BTBD8: variants seen among roughly 807,000 people sequenced by gnomAD.
The protein encoded by BTBD8 is BTB domain containing 8, also known as BTB/POZ domain-containing protein 8.
A neutral mutation model predicts 162.9 loss-of-function variants in BTBD8; 110 were observed. The observed-to-expected ratio is 0.68, with a 90% CI of 0.58 to 0.79. BTBD8 has a LOEUF of 0.79. Ranked by LOEUF, BTBD8 falls within the 30% of genes least tolerant of loss-of-function variation. The pLI, the probability that BTBD8 is intolerant of heterozygous loss-of-function variation, is 0.00. For missense variants in BTBD8, 1,905 were observed against 2,085.4 expected (o/e 0.91, Z 1.68); for synonymous variants, 667 against 716.1 (o/e 0.93, Z 1.10).
At chr1:92,109,050 C>G (rs1298968016) in intron 4 of BTBD8, among the ~76,000 whole-genome samples, 1 of 152,150 alleles carries the variant, frequency 6.6e-6, no homozygotes, top group Admixed American at 6.5e-5. Flanking sequence ...TAGCTATTTA[C>G]TATTCAAAAT....
intron 5 of BTBD8, among the ~76,000 whole-genome samples, chr1:92,139,094 G>C (rs1177215691): frequency 6.6e-6 from 1 of 152,170 alleles, no homozygotes; most frequent in Non-Finnish European, 1.5e-5. Context: ...AACTTTAAAA[G>C]TGTATGGTAG....
chr1:92,105,695 A>G (rs571779777), intron 3 of BTBD8, among the ~76,000 whole-genome samples: 3 of 152,330 alleles, frequency 2.0e-5, no homozygotes, highest in Non-Finnish European at 4.4e-5. Flanking sequence ...TAAAAGAAAA[A>G]CGTTAGATAA....
At chr1:92,133,781 T>A (rs993693692) in intron 5 of BTBD8, among the ~76,000 whole-genome samples, 3 of 151,926 alleles carry the variant, frequency 2.0e-5, no homozygotes, top group African/African-American at 7.3e-5. Context: ...CCATCCTGGC[T>A]AACACGGTGA....
chr1:92,136,607 T>C (rs1319424705), intron 5 of BTBD8, among the ~76,000 whole-genome samples: 2 of 152,214 alleles, frequency 1.3e-5, no homozygotes, highest in East Asian at 1.9e-4. Flanking sequence ...GGCACGACCC[T>C]GCCCTTGCAG....
intron 2 of BTBD8, among the ~76,000 whole-genome samples, chr1:92,092,122 C>T (rs930236818): frequency 1.3e-4 from 20 of 151,952 alleles, no homozygotes; most frequent in Admixed American, 4.6e-4. Context: ...AGACTTAGGG[C>T]GGGTACAGTG....
intron 1 of BTBD8, among the ~76,000 whole-genome samples, chr1:92,085,711 CAG>C (rs1176135345): frequency 6.6e-6 from 1 of 152,110 alleles, no homozygotes; most frequent in Non-Finnish European, 1.5e-5. Flanking sequence ...GCCTGGGTGA[CAG>C]AGTGAGACTC....
chr1:92,167,184 G>A, intron 10 of BTBD8, 44 bp downstream of exon 10: 1 of 1,537,842 alleles, frequency 6.5e-7, no homozygotes, highest in Non-Finnish European at 8.8e-7. Flanking sequence ...CCATCTTTGT[G>A]TTCTGATTTC....
At chr1:92,163,022 T>C (rs547623952) in intron 9 of BTBD8, among the ~76,000 whole-genome samples, 1 of 151,874 alleles carries the variant, frequency 6.6e-6, no homozygotes, top group East Asian at 1.9e-4. Context: ...ATATATACAC[T>C]GGTAAGAAAA....
intron 9 of BTBD8, among the ~76,000 whole-genome samples, chr1:92,148,634 G>A (rs1356214468): frequency 6.6e-6 from 1 of 152,186 alleles, no homozygotes; most frequent in East Asian, 1.9e-4. Flanking sequence ...GGAAATAGGT[G>A]TGGCACCACA....
intron 9 of BTBD8, among the ~76,000 whole-genome samples, chr1:92,165,045 C>G (rs181405189): frequency 6.7e-6 from 1 of 149,172 alleles, no homozygotes; most frequent in East Asian, 2.0e-4. Flanking sequence ...CACTTGATCT[C>G]AGGAGTTTGA....
At chr1:92,140,383 TCTTTTA>T (rs1457229152) in intron 6 of BTBD8, among the ~76,000 whole-genome samples, 2 of 152,204 alleles carry the variant, frequency 1.3e-5, no homozygotes, top group Admixed American at 1.3e-4. Context: ...TTCACCTTGC[TCTTTTA>T]ATTTTCTAGA....
intron 17 of BTBD8, among the ~76,000 whole-genome samples, chr1:92,183,143 T>C (rs1209668708): frequency 3.3e-5 from 5 of 152,168 alleles, no homozygotes; most frequent in Admixed American, 1.3e-4. Context: ...TAAGAGATTA[T>C]ATTTAGAAGC....
intron 2 of BTBD8, among the ~76,000 whole-genome samples, chr1:92,101,898 A>G (rs1374373681): frequency 6.6e-6 from 1 of 151,972 alleles, no homozygotes; most frequent in Non-Finnish European, 1.5e-5. Flanking sequence ...AGGTCTCACT[A>G]TGTTGCCCAG....
intron 4 of BTBD8, among the ~76,000 whole-genome samples, chr1:92,117,946 G>A (rs978699644): frequency 2.6e-5 from 4 of 151,988 alleles, no homozygotes; most frequent in African/African-American, 9.7e-5. Flanking sequence ...GGAAGGTAGG[G>A]AAGTCCTATA....
At chr1:92,086,848 C>T (rs1366439294) in intron 1 of BTBD8, among the ~76,000 whole-genome samples, 1 of 152,170 alleles carries the variant, frequency 6.6e-6, no homozygotes, top group Non-Finnish European at 1.5e-5. Context: ...TGATGTTGGA[C>T]TTCCCTGCCT....
intron 4 of BTBD8, among the ~76,000 whole-genome samples, chr1:92,120,714 C>A (rs1649186427): frequency 6.6e-6 from 1 of 152,194 alleles, no homozygotes; most frequent in Non-Finnish European, 1.5e-5. Flanking sequence ...ATGGGACCAT[C>A]TTCATATGTG....
intron 9 of BTBD8, chr1:92,150,543 GA>G (rs2100642952): frequency 6.6e-6 from 1 of 152,248 alleles, no homozygotes; most frequent in African/African-American, 2.4e-5. Flanking sequence ...TATACTTTAT[GA>G]ATTTTTACTT....
chr1:92,159,927 G>A (rs1650244207), intron 9 of BTBD8, among the ~76,000 whole-genome samples: 1 of 151,910 alleles, frequency 6.6e-6, no homozygotes, highest in African/African-American at 2.4e-5. Flanking sequence ...GTGGATGTCT[G>A]TTTCTTTCTC....
chr1:92,118,282 C>CTTTTTTTTTTTT (rs3040583), intron 4 of BTBD8, among the ~76,000 whole-genome samples: 1 of 122,316 alleles, frequency 8.2e-6, no homozygotes, highest in African/African-American at 3.1e-5. Context: ...TTCAGACTTT[C>CTTTTTTTTTTTT]TTTTTTTTTT....
Sources: allele counts gnomAD v4.1 joint callset (sites outside exome capture counted in the v4.1 genomes callset), GRCh38; gene constraint gnomAD v4.1.1; transcripts MANE v1.5; gene names NCBI Gene and HGNC (gene_info 2026-07-23, HGNC 2026-07-21).